QSOX1: variants seen among roughly 807,000 people sequenced by gnomAD.
QSOX1 encodes sulfhydryl oxidase 1.
QSOX1 carries 40 observed loss-of-function variants against 76.1 expected under a neutral mutation model. The observed-to-expected ratio is 0.53, with a 90% CI of 0.41 to 0.68. The LOEUF (loss-of-function observed/expected upper bound fraction) is 0.68, where lower values mean the gene tolerates loss of function less well. QSOX1 is among the 30% of genes least tolerant of loss of function. QSOX1 has a pLI of 0.00. For synonymous variants in QSOX1, 392 were observed against 413.1 expected, an observed-to-expected ratio of 0.95 and a Z score of 0.62; for missense variants, 931 against 974.3, an observed-to-expected ratio of 0.96 and a Z score of 0.59.
At chr1:180,166,729 G>A in intron 2 of QSOX1, 138 bp downstream of exon 2, 1 of 796,278 alleles carries the variant, frequency 1.3e-6, no homozygotes, top group Non-Finnish European at 2.1e-6. Flanking sequence ...CATCACTTGG[G>A]CTGGTGAGAG....
chr1:180,175,460 G>T (rs1662866181), intron 3 of QSOX1, 94 bp downstream of exon 3: 1 of 1,357,478 alleles, frequency 7.4e-7, no homozygotes, highest in Non-Finnish European at 1.1e-6. Flanking sequence ...AGCCCTGGCA[G>T]TCGGCAGGGT....
intron 1 of QSOX1, among the ~76,000 whole-genome samples, chr1:180,165,629 G>A (rs776221369): frequency 1.3e-5 from 2 of 152,196 alleles, no homozygotes; most frequent in African/African-American, 2.4e-5. Flanking sequence ...ACATGATTTG[G>A]CCCCTGCCAC....
At chr1:180,189,867 A>C (rs1663267349) in intron 9 of QSOX1, among the ~76,000 whole-genome samples, 193 bp downstream of exon 9, 1 of 152,166 alleles carries the variant, frequency 6.6e-6, no homozygotes, top group South Asian at 2.1e-4. Context: ...AATCCTCATA[A>C]TGTTAGTGGA....
At chr1:180,189,436 A>T (rs1376958105) in intron 8 of QSOX1, 116 bp from the exon 9 acceptor site, 2 of 144,230 alleles carry the variant, frequency 1.4e-5, no homozygotes, top group African/African-American at 4.5e-5. Context: ...CCTCCTCCCC[A>T]CTGCCCCCCG....
At chr1:180,175,397 C>T in intron 3 of QSOX1, 31 bp downstream of exon 3, 1 of 1,606,802 alleles carries the variant, frequency 6.2e-7, no homozygotes, top group Non-Finnish European at 8.5e-7. Context: ...GTCCTGTTAG[C>T]ATCTTCCTCC....
At chr1:180,186,395 C>T (rs556708381) in intron 8 of QSOX1, among the ~76,000 whole-genome samples, 2 of 152,366 alleles carry the variant, frequency 1.3e-5, no homozygotes, top group South Asian at 2.1e-4. Flanking sequence ...ACAACCCTGC[C>T]CCATGCAGCA....
intron 1 of QSOX1, among the ~76,000 whole-genome samples, chr1:180,156,790 T>C (rs1424083894): frequency 6.6e-6 from 1 of 152,048 alleles, no homozygotes; most frequent in Admixed American, 6.6e-5. Flanking sequence ...AGGAAGAACA[T>C]GGATCATGGA....
At chr1:180,159,110 TC>T in intron 1 of QSOX1, among the ~76,000 whole-genome samples, 1 of 152,270 alleles carries the variant, frequency 6.6e-6, no homozygotes, top group African/African-American at 2.4e-5. Flanking sequence ...CCAGAGGGCA[TC>T]CCCTCACCCA....
At chr1:180,195,013 G>T (rs894598452) in intron 11 of QSOX1, among the ~76,000 whole-genome samples, 6 of 151,214 alleles carry the variant, frequency 4.0e-5, no homozygotes, top group African/African-American at 1.5e-4. Flanking sequence ...GGGAGACCAG[G>T]GCGGAGCCGA....
chr1:180,160,285 A>G (rs749008704), intron 1 of QSOX1, among the ~76,000 whole-genome samples: 3 of 151,828 alleles, frequency 2.0e-5, no homozygotes, highest in Non-Finnish European at 4.4e-5. Context: ...GTCTCAATAC[A>G]CTATGTGTCT....
Position 180,196,360 on chromosome 1 carries a change from G to T in QSOX1, c.1567G>T (p.Asp523Tyr). Residue 523 changes from aspartate to tyrosine, a missense_variant, in exon 12 of 12, where the codon GAC becomes TAC. By Grantham distance (160) the Asp-to-Tyr change is radical. Transcript: ENST00000367602. The surrounding 1 kb of genome is among the most constrained non-coding windows in gnomAD (Gnocchi z 4.1). The stretch of plus-strand genomic sequence containing the variant: ...TGAACGCCTGGATGTGCCCGTGTGG[G>T]ACGTGGAAGCCACCCTCAACTTCCT... Reference protein sequence around the residue: ...HNERLDVPVWDVEATLNFLKA... With the variant: ...HNERLDVPVWYVEATLNFLKA... 1 of 1,614,158 alleles carries T rather than the reference G, an allele frequency of 6.2e-7. No homozygotes were observed. The highest frequency in any genetic ancestry group is 8.5e-7 in the Non-Finnish European group (1 of 1,180,024).
rs141474961 is a variant in QSOX1 at position 180,196,867 on chromosome 1, C to T, written c.2074C>T (p.Arg692Trp). Reference protein sequence around the residue: ...PEGQLEARAGRGRGQWLQVLG... With the variant: ...PEGQLEARAGWGRGQWLQVLG... ...GGGCCAGCTGGAGGCCCGAGCTGGA[C>T]GGGGCCGAGGCCAGTGGCTGCAGGT... Residue 692 changes from arginine (R) to tryptophan (W), a missense_variant, in exon 12 of 12, where the codon CGG becomes TGG. Arg to Trp is a moderately radical substitution (Grantham distance 101, BLOSUM62 -3). Coordinates refer to ENST00000367602, the MANE Select transcript of QSOX1 (RefSeq NM_002826.5). This position sits in a 1 kb window ranked among gnomAD's most constrained non-coding sequence, Gnocchi z 4.1. 8.4e-5 allele frequency: 134 copies of T among 1,600,378 alleles called. 2 individuals are homozygous for T. In the Middle Eastern group the frequency reaches 2.2e-3, roughly 26 times the overall value.
intron 1 of QSOX1, among the ~76,000 whole-genome samples, chr1:180,161,405 C>T (rs1194698507): frequency 6.6e-6 from 1 of 152,160 alleles, no homozygotes; most frequent in East Asian, 1.9e-4. Context: ...ACCTGCAGTA[C>T]CTATAGATTC....
intron 3 of QSOX1, 24 bp from the exon 4 acceptor site, chr1:180,175,907 G>A (rs1572045020): frequency 2.6e-6 from 4 of 1,550,110 alleles, no homozygotes; most frequent in African/African-American, 2.7e-5. Flanking sequence ...CTGACACTCC[G>A]CTCACGCCTG....
intron 4 of QSOX1, among the ~76,000 whole-genome samples, chr1:180,177,165 G>A (rs759919810): frequency 5.9e-5 from 9 of 151,558 alleles, no homozygotes; most frequent in Non-Finnish European, 1.0e-4. Context: ...ACACACACAC[G>A]TACATCCTCA....
At chr1:180,165,085 G>A (rs74132557) in intron 1 of QSOX1, among the ~76,000 whole-genome samples, 9,261 of 152,222 alleles carry the variant, frequency 0.061, 369 homozygotes, top group East Asian at 0.16. Context: ...CTTTCACCTC[G>A]TCTAACATTG....
intron 4 of QSOX1, among the ~76,000 whole-genome samples, chr1:180,176,843 A>G (rs3753797): frequency 0.92 from 140,382 of 152,288 alleles, 64,932 homozygotes; most frequent in Admixed American, 0.96. Flanking sequence ...AAGGCCTCAC[A>G]AGGCCGCTGT....
chr1:180,164,304 G>A (rs12403079), intron 1 of QSOX1, among the ~76,000 whole-genome samples: 80,663 of 152,086 alleles, frequency 0.53, 24,892 homozygotes, highest in Non-Finnish European at 0.69. Flanking sequence ...GTGTGGTGGG[G>A]GGGTGTTGAG....
In QSOX1 at chr1:180,176,009, C is replaced by T. The variant is rs1344104676; in HGVS notation, c.491C>T (p.Ala164Val). Residue 164 changes from alanine to valine, a missense_variant, in exon 4 of 12, where the codon GCC becomes GTC. Coordinates refer to ENST00000367602, the MANE Select transcript of QSOX1 (RefSeq NM_002826.5). ...LESHHDTWPPACPPLEPAKLE... is the reference protein window; with the variant it reads ...LESHHDTWPPVCPPLEPAKLE... ...TCCCATCATGACACGTGGCCCCCAG[C>T]CTGTCCCCCACTGGAGCCTGCCAAG... is the stretch of plus-strand genomic sequence containing the variant. 1 of 1,599,456 alleles carries T rather than the reference C, an allele frequency of 6.3e-7. No individual in the cohort carries two copies. Among genetic ancestry groups the T allele is most frequent in the Non-Finnish European group, 8.5e-7 (1 of 1,173,582 alleles).
Sources: allele counts gnomAD v4.1 joint callset (sites outside exome capture counted in the v4.1 genomes callset), GRCh38; gene constraint gnomAD v4.1.1; non-coding constraint Gnocchi (gnomAD v3.1); transcripts MANE v1.5; gene names NCBI Gene and HGNC (gene_info 2026-07-23, HGNC 2026-07-21).